DOCK7: variants seen among roughly 807,000 people sequenced by gnomAD.
The protein encoded by DOCK7 is dedicator of cytokinesis protein 7.
DOCK7 carries 138 observed loss-of-function variants against 271.0 expected under a neutral mutation model. That is an observed-to-expected ratio of 0.51 (90% confidence interval 0.44 to 0.59). The LOEUF (loss-of-function observed/expected upper bound fraction) is 0.59, where lower values mean the gene tolerates loss of function less well. Among genes scored for constraint, DOCK7 ranks in the 20% least tolerant of loss-of-function variants. The probability of loss-of-function intolerance (pLI) is 0.00; values close to 1 mark genes in which losing one functional copy is unlikely to be tolerated. For synonymous variants in DOCK7, 823 were observed against 876.1 expected (o/e 0.94, Z 1.07); for missense variants, 2,066 against 2,592.4 (o/e 0.80, Z 4.41).
At chr1:62,628,430 T>C (rs1381982882) in intron 11 of DOCK7, 2 of 152,084 alleles carry the variant, frequency 1.3e-5, no homozygotes, top group African/African-American at 2.4e-5. Context: ...CAATAAGGGA[T>C]CTAAGAAAAT....
At chr1:62,488,863 G>A in intron 42 of DOCK7, 71 bp downstream of exon 42, 2 of 1,585,374 alleles carry the variant, frequency 1.3e-6, no homozygotes, top group South Asian at 1.1e-5. Flanking sequence ...TTTGACATCA[G>A]TGCAAAACAA....
chr1:62,653,960 A>G, intron 3 of DOCK7, 24 bp downstream of exon 3: 1 of 1,602,476 alleles, frequency 6.2e-7, no homozygotes, highest in South Asian at 1.1e-5. Context: ...CTCTAAAGCC[A>G]AAAATAAGTC....
In DOCK7 at chr1:62,625,320, T is replaced by C; in HGVS notation, c.1364A>G (p.Asp455Gly). 2 of 1,613,962 alleles carry C rather than the reference T, an allele frequency of 1.2e-6. No individual in the cohort carries two copies. The highest frequency in any genetic ancestry group is 1.7e-6 in the Non-Finnish European group (2 of 1,179,916). The part of the protein sequence containing the change: ...RSLERTTSGD[D>G]ACNLTSFRPA... ...TCGAAAGCTCGTCAAGTTACAAGCATCATCTCCACTTGTTGTCCTTTCAAG... is the reference window on the plus strand; with the variant it reads ...TCGAAAGCTCGTCAAGTTACAAGCACCATCTCCACTTGTTGTCCTTTCAAG... Residue 455 changes from aspartate (D) to glycine (G), a missense_variant, in exon 12 of 50, where the codon GAT becomes GGT. Physicochemically the swap from Asp to Gly is moderately conservative, Grantham distance 94. This residue lies in a region of DOCK7 where 1,414 missense variants were observed against 1,670.4 expected (regional missense o/e 0.85). Coordinates refer to ENST00000635253, the MANE Select transcript of DOCK7 (RefSeq NM_001367561.1).
At chr1:62,485,632 G>T (rs952909314) in intron 43 of DOCK7, 5 of 985,292 alleles carry the variant, frequency 5.1e-6, no homozygotes, top group Non-Finnish European at 6.0e-6. Flanking sequence ...GAGTCAAAAA[G>T]AAAAATATAC....
rs760381058 is a variant in DOCK7 at position 62,561,720 on chromosome 1, A to G, written c.2113-17T>C. 8 of 1,445,714 alleles carry G rather than the reference A, an allele frequency of 5.5e-6. No homozygotes were observed. Among genetic ancestry groups the G allele is most frequent in the African/African-American group, 3.4e-5 (2 of 58,020 alleles). 89.6% of individuals were successfully genotyped at this position (1,445,714 alleles called of 1,614,324 possible). A position where few individuals can be genotyped will look rare whatever the true frequency, so the allele number is the denominator to read the frequency against. On this transcript the variant is annotated splice_polypyrimidine_tract_variant and intron_variant, in intron 18 of 49. Transcript: ENST00000635253. ...TAGAGGAACCTGTAAGATATTAAAT[A>G]TAATGATCACAGATGCTTAAGTAGA... is the stretch of plus-strand genomic sequence containing the variant.
intron 41 of DOCK7, among the ~76,000 whole-genome samples, chr1:62,491,786 A>G (rs1471736436): frequency 6.6e-6 from 1 of 152,258 alleles, no homozygotes; most frequent in Non-Finnish European, 1.5e-5. Flanking sequence ...TATATCACTC[A>G]GAGACTTTCT....
At chr1:62,557,055 TTTTTC>T (rs1184257267) in intron 20 of DOCK7, among the ~76,000 whole-genome samples, 4 of 115,672 alleles carry the variant, frequency 3.5e-5, no homozygotes, top group African/African-American at 1.3e-4. Context: ...CATGTTTTTC[TTTTTC>T]TTTTCTTTTT....
At chr1:62,582,364 A>G (rs1434423076) in intron 16 of DOCK7, among the ~76,000 whole-genome samples, 1 of 150,706 alleles carries the variant, frequency 6.6e-6, no homozygotes, top group African/African-American at 2.4e-5. Context: ...TCCCGGCTAA[A>G]ACGGTGAAAA....
intron 19 of DOCK7, among the ~76,000 whole-genome samples, chr1:62,561,167 T>C (rs1466381271): frequency 6.6e-6 from 1 of 152,058 alleles, no homozygotes; most frequent in Non-Finnish European, 1.5e-5. Flanking sequence ...ATAAGTCAAA[T>C]GAATACCAGG....
At chr1:62,680,993 T>C (rs955979569) in intron 1 of DOCK7, among the ~76,000 whole-genome samples, 10 of 152,220 alleles carry the variant, frequency 6.6e-5, no homozygotes, top group African/African-American at 2.2e-4. Context: ...CTCAAGGATA[T>C]AGAATTAGAA....
Position 62,537,927 on chromosome 1 carries a change from T to A in DOCK7, c.3435A>T (p.Ala1145=). The A allele has an allele frequency of 1.2e-6, 2 of 1,614,046 alleles. No individual in the cohort carries two copies. Among genetic ancestry groups the A allele is most frequent in the Non-Finnish European group, 1.7e-6 (2 of 1,179,954 alleles). ...CAGAAGAAACAGAAGGTGATGGAGA[T>A]GCAGGTGGAGTAAGTAAGCTGCAGG... ...NLPCSLLTPP[A]SPSPSVSSAT... The change falls in exon 28 of 50, where the codon GCA becomes GCT. Residue 1145 remains alanine (A), a synonymous_variant. Transcript: ENST00000635253.
intron 36 of DOCK7, 96 bp from the exon 37 acceptor site, chr1:62,504,878 C>T: frequency 1.5e-6 from 2 of 1,378,338 alleles, no homozygotes; most frequent in Middle Eastern, 4.1e-4. Flanking sequence ...TTAGTATAGC[C>T]CAGAAATTAA....
At chr1:62,597,551 GA>G in intron 14 of DOCK7, 1 of 1,611,956 alleles carries the variant, frequency 6.2e-7, no homozygotes, top group South Asian at 1.1e-5. Flanking sequence ...GCTTGAAATT[GA>G]AAATCAAGAT....
Position 62,680,211 on chromosome 1 carries a change from C to A in DOCK7, c.38+8016G>T, listed in dbSNP as rs183618246. ...AGAAATATAGACCAATGGAACAGAA[C>A]AGAGCCCTCAGAAATAATACCACTC... On this transcript the variant is annotated intron_variant, in intron 1 of 49. Transcript: ENST00000635253. Among the ~76,000 whole-genome samples, 694 of 152,222 alleles carry A rather than the reference C, an allele frequency of 4.6e-3. 6 individuals carry two copies. The highest frequency in any genetic ancestry group is 0.016 in the African/African-American group (670 of 41,534).
Position 62,475,845 on chromosome 1 carries a change from G to C in DOCK7, c.5823C>G (p.Phe1941Leu), listed in dbSNP as rs1645954715. ...CTAAAGTAAAGGGTGTACAGTACAT[G>C]AATCGACGAAGATTGTAATTTTTGT... The part of the protein sequence containing the change: ...YFDKNYNLRR[F>L]MYCTPFTLDG... Residue 1941 changes from phenylalanine to leucine, a missense_variant, in exon 46 of 50, where the codon TTC (phenylalanine) becomes TTG (leucine). Coordinates refer to ENST00000635253, the MANE Select transcript of DOCK7 (RefSeq NM_001367561.1). The C allele has an allele frequency of 2.5e-6, 4 of 1,614,080 alleles. No homozygotes were observed. In the Admixed American group the frequency reaches 6.7e-5, roughly 27 times the overall value.
At chr1:62,487,621 C>CT (rs1295727928) in intron 42 of DOCK7, 1 of 463,576 alleles carries the variant, frequency 2.2e-6, no homozygotes, top group Non-Finnish European at 3.9e-6. Flanking sequence ...CTTTTAAAAA[C>CT]TTTAAGTGAA....
At chr1:62,554,829 A>G (rs777235688) in intron 21 of DOCK7, among the ~76,000 whole-genome samples, 10 of 152,258 alleles carry the variant, frequency 6.6e-5, no homozygotes, top group Non-Finnish European at 1.5e-4. Flanking sequence ...AAATTAACAT[A>G]GGAAATTATA....
chr1:62,572,183 C>T (rs1045512525), intron 18 of DOCK7, among the ~76,000 whole-genome samples: 3 of 152,124 alleles, frequency 2.0e-5, no homozygotes, highest in Admixed American at 6.6e-5. Flanking sequence ...CACAAAAACT[C>T]GGGAAATAAG....
rs147965596 is a variant in DOCK7 at position 62,685,073 on chromosome 1, C to A, written c.38+3154G>T. Among the ~76,000 whole-genome samples the A allele has an allele frequency of 1.3e-4, 20 of 152,270 alleles. No homozygotes were observed. The East Asian group carries it at 3.7e-3, about 28-fold the overall frequency. On this transcript the variant is annotated intron_variant, in intron 1 of 49. Coordinates refer to ENST00000635253, the MANE Select transcript of DOCK7 (RefSeq NM_001367561.1). ...AAAGGATTATCATTTCCAACAAAAGCCTCAAACCACATTATAAATACTGTA... is the reference window on the plus strand; with the variant it reads ...AAAGGATTATCATTTCCAACAAAAGACTCAAACCACATTATAAATACTGTA...
Sources: gnomAD v4.1 joint callset for allele counts (sites outside exome capture counted in the v4.1 genomes callset) on GRCh38, gnomAD v4.1.1 for gene constraint, gnomAD v4.1.1 regional missense constraint, MANE v1.5 for transcripts, NCBI Gene and HGNC (gene_info 2026-07-23, HGNC 2026-07-21) for gene names.